The following KSR2 variants were observed in gnomAD, a reference collection of about 807,000 sequenced individuals.
KSR2 encodes the protein kinase suppressor of ras 2.
In KSR2, 25 loss-of-function variants were observed where a neutral mutation model predicts 107.8. The ratio of observed to expected loss-of-function variants is 0.23; its 90% confidence interval spans 0.17 to 0.32. The LOEUF (loss-of-function observed/expected upper bound fraction) is 0.32. Ranked by LOEUF, KSR2 falls within the 10% of genes least tolerant of loss-of-function variation. The pLI is 1.00. For missense variants in KSR2, 887 were observed against 1,268.9 expected (o/e 0.70, Z 4.57); for synonymous variants, 480 against 507.0 (o/e 0.95, Z 0.71).
chr12:117,667,022 T>C (rs986267688), intron 5 of KSR2, among the ~76,000 whole-genome samples: 1 of 152,208 alleles, frequency 6.6e-6, no homozygotes, highest in Non-Finnish European at 1.5e-5. Flanking sequence ...GTAAAGGTTA[T>C]ATATATTGAC....
chr12:117,740,077 GC>G, intron 4 of KSR2, among the ~76,000 whole-genome samples: 1 of 150,810 alleles, frequency 6.6e-6, no homozygotes, highest in African/African-American at 2.4e-5. Context: ...TCCCTCAGTG[GC>G]CCCCCACCCT....
intron 1 of KSR2, among the ~76,000 whole-genome samples, chr12:117,957,366 AG>A (rs753255289): frequency 4.3e-4 from 66 of 152,198 alleles, no homozygotes; most frequent in Non-Finnish European, 8.7e-4. Flanking sequence ...GCCCTGCTGA[AG>A]AAAATCGTTC....
intron 4 of KSR2, among the ~76,000 whole-genome samples, chr12:117,682,273 G>A (rs1212409150): frequency 6.6e-6 from 1 of 152,124 alleles, no homozygotes; most frequent in Non-Finnish European, 1.5e-5. Context: ...TATTGCGGGG[G>A]CGGGGGGAGA....
chr12:117,728,632 C>T (rs1295256890), intron 4 of KSR2, among the ~76,000 whole-genome samples: 1 of 152,164 alleles, frequency 6.6e-6, no homozygotes, highest in Non-Finnish European at 1.5e-5. Flanking sequence ...TGTGTGTTCC[C>T]CCAGCGCTGC....
intron 14 of KSR2, among the ~76,000 whole-genome samples, chr12:117,514,238 C>T (rs1341056713): frequency 5.3e-5 from 8 of 152,206 alleles, no homozygotes; most frequent in Non-Finnish European, 1.0e-4. Context: ...GGAGGCATGC[C>T]AAAAATCTCT....
At chr12:117,769,509 T>A (rs1279076067) in intron 3 of KSR2, among the ~76,000 whole-genome samples, 2 of 152,216 alleles carry the variant, frequency 1.3e-5, no homozygotes, top group Non-Finnish European at 2.9e-5. Context: ...CTAAAATTCC[T>A]CACTGTGACT....
rs527484636 is a variant in KSR2 at position 117,494,902 on chromosome 12, G to A, written c.2220-9211C>T. Among the ~76,000 whole-genome samples, 23 of 152,354 alleles carry A rather than the reference G, an allele frequency of 1.5e-4. No homozygotes were observed. The South Asian group carries it at 4.8e-3, about 32-fold the overall frequency. ...AGAGAACTCCAAGCTGGGGAAACCA[G>A]CCAGTGCAAAGGCCCTGAGGTAGGA... On this transcript the variant is annotated intron_variant, in intron 14 of 19. Transcript: ENST00000339824.
chr12:117,767,246 T>C (rs1299930292), intron 3 of KSR2, among the ~76,000 whole-genome samples: 1 of 123,980 alleles, frequency 8.1e-6, no homozygotes, highest in Non-Finnish European at 1.6e-5. Flanking sequence ...ACCCCGTCTC[T>C]ACTAAAAATC....
rs1423346773 is a variant in KSR2, at chr12:117,839,671, C to T, written c.472+15757G>A. On this transcript the variant is annotated intron_variant, in intron 3 of 19. Transcript: ENST00000339824. ...CCCAATGACTATGGCCGAAGATCGA[C>T]ACAGGTGCAATCAAGGAAATCCTCC... is the stretch of plus-strand genomic sequence containing the variant. Among the ~76,000 whole-genome samples the T allele has an allele frequency of 3.3e-5, 5 of 152,292 alleles. No homozygotes were observed. In the East Asian group the frequency reaches 7.7e-4, roughly 23 times the overall value.
chr12:117,810,406 G>A (rs192090243), intron 3 of KSR2, among the ~76,000 whole-genome samples: 40 of 152,288 alleles, frequency 2.6e-4, no homozygotes, highest in African/African-American at 9.6e-4. Context: ...GACTTCCCAA[G>A]GTCAAGCAAT....
intron 1 of KSR2, among the ~76,000 whole-genome samples, chr12:117,920,725 T>C (rs1440689988): frequency 6.6e-6 from 1 of 152,138 alleles, no homozygotes; most frequent in African/African-American, 2.4e-5. Flanking sequence ...CTTCTCTAAG[T>C]AAACTCAGTG....
intron 4 of KSR2, among the ~76,000 whole-genome samples, chr12:117,684,849 G>A (rs928955108): frequency 3.3e-5 from 5 of 152,206 alleles, no homozygotes; most frequent in Non-Finnish European, 7.3e-5. Flanking sequence ...TGTGATGGCA[G>A]TTCTGGCGGA....
At chr12:117,531,249 C>A (rs1428177727) in intron 11 of KSR2, among the ~76,000 whole-genome samples, 1 of 152,046 alleles carries the variant, frequency 6.6e-6, no homozygotes, top group Non-Finnish European at 1.5e-5. Context: ...CTGCCAGAAC[C>A]CTCAAATATC....
intron 4 of KSR2, among the ~76,000 whole-genome samples, chr12:117,731,033 T>A (rs1218365526): frequency 7.1e-6 from 1 of 141,248 alleles, no homozygotes; most frequent in Non-Finnish European, 1.5e-5. Context: ...GAGCACCTCT[T>A]CCCGGCCGCC....
intron 5 of KSR2, among the ~76,000 whole-genome samples, chr12:117,595,910 G>A (rs1409603957): frequency 6.6e-6 from 1 of 152,152 alleles, no homozygotes; most frequent in African/African-American, 2.4e-5. Context: ...GTTTGACCAA[G>A]GCTTGGTAAG....
intron 3 of KSR2, among the ~76,000 whole-genome samples, chr12:117,833,122 A>G (rs1310989423): frequency 6.6e-6 from 1 of 152,118 alleles, no homozygotes; most frequent in Non-Finnish European, 1.5e-5. Context: ...GACTTACCCA[A>G]GCTGTGCGGC....
At chr12:117,778,432 G>A (rs1225579024) in intron 3 of KSR2, among the ~76,000 whole-genome samples, 2 of 152,160 alleles carry the variant, frequency 1.3e-5, no homozygotes, top group Non-Finnish European at 2.9e-5. Flanking sequence ...CTGCCATGAT[G>A]GATAACAGTA....
At chr12:117,713,499 G>T (rs1886871122) in intron 4 of KSR2, among the ~76,000 whole-genome samples, 1 of 152,022 alleles carries the variant, frequency 6.6e-6, no homozygotes, top group South Asian at 2.1e-4. Flanking sequence ...CATAACAAAT[G>T]TTAAGAGCAA....
chr12:117,517,519 T>G (rs375627983), intron 14 of KSR2, among the ~76,000 whole-genome samples: 1 of 152,142 alleles, frequency 6.6e-6, no homozygotes, highest in East Asian at 1.9e-4. Context: ...TGGTGGCCAG[T>G]GGTGAGGTCT....
Sources: allele counts gnomAD v4.1 joint callset (sites outside exome capture counted in the v4.1 genomes callset), GRCh38; gene constraint gnomAD v4.1.1; transcripts MANE v1.5; gene names NCBI Gene and HGNC (gene_info 2026-07-23, HGNC 2026-07-21).